ZNF185: variants seen among roughly 807,000 people sequenced by gnomAD.
ZNF185 encodes the protein zinc finger protein 185.
A neutral mutation model predicts 58.6 loss-of-function variants in ZNF185; 56 were observed. The observed-to-expected ratio is 0.95, with a 90% confidence interval of 0.77 to 1.19. ZNF185 has a LOEUF of 1.19. Ranked by LOEUF, ZNF185 falls within the 50% of genes most tolerant of loss-of-function variation. The pLI is 0.00. For missense variants in ZNF185, 627 were observed against 573.5 expected, an observed-to-expected ratio of 1.09 and a Z score of -0.95; for synonymous variants, 230 against 215.9, an observed-to-expected ratio of 1.07 and a Z score of -0.57.
exon 13 of ZNF185, chrX:152,931,762 C>T (rs1427908102): frequency 8.3e-7 from 1 of 1,206,088 alleles, no homozygotes; most frequent in African/African-American, 1.7e-5. Flanking sequence ...GGGCCCCCAA[C>T]ACAGATGCTG....
At chrX:152,905,621 G>A in the ZNF185 span, among the ~76,000 whole-genome samples, 9 of 110,484 alleles carry the variant, frequency 8.1e-5, 1 homozygote, top group Admixed American at 1.9e-4. Context: ...AAATGGACAG[G>A]AGCCTCGACA....
intron 15 of ZNF185, among the ~76,000 whole-genome samples, chrX:152,938,759 A>G (rs1183501127): frequency 9.1e-6 from 1 of 109,830 alleles, no homozygotes; most frequent in Non-Finnish European, 1.9e-5. Context: ...CCTAATTACA[A>G]CAAAACCCAA....
At chrX:152,965,161 T>TG (rs1186852511) in intron 18 of ZNF185, among the ~76,000 whole-genome samples, 1 of 111,940 alleles carries the variant, frequency 8.9e-6, no homozygotes, top group Non-Finnish European at 1.9e-5. Flanking sequence ...GGGGAGAAGA[T>TG]GGGGTCACCG....
intron 11 of ZNF185, among the ~76,000 whole-genome samples, chrX:152,923,199 G>A (rs906996667): frequency 8.0e-5 from 9 of 112,055 alleles, no homozygotes; most frequent in African/African-American, 2.9e-4. Flanking sequence ...GCATCCAGAA[G>A]GGGAGAGGGC....
At chrX:152,949,529 C>T (rs1252816351) in intron 16 of ZNF185, among the ~76,000 whole-genome samples, 1 of 112,058 alleles carries the variant, frequency 8.9e-6, no homozygotes, top group Non-Finnish European at 1.9e-5. Flanking sequence ...TATGTCATGG[C>T]ACCTGATGGG....
chrX:152,923,097 C>T (rs782189025), intron 11 of ZNF185, among the ~76,000 whole-genome samples: 1 of 112,438 alleles, frequency 8.9e-6, no homozygotes, highest in African/African-American at 3.2e-5. Flanking sequence ...CCTGCTGTTG[C>T]TGCTGTTTAA....
the ZNF185 span, among the ~76,000 whole-genome samples, chrX:152,908,128 G>A: frequency 8.9e-6 from 1 of 112,752 alleles, no homozygotes. Context: ...TCACAGCCAT[G>A]TGAGGCCACT....
chrX:152,968,293 G>A (rs958752848), intron 20 of ZNF185, among the ~76,000 whole-genome samples: 1 of 112,374 alleles, frequency 8.9e-6, no homozygotes, highest in Non-Finnish European at 1.9e-5. Context: ...ATGGAATGAG[G>A]CTTCCAATTC....
rs782242773 is a variant in ZNF185 at position 152,914,543 on chromosome X, G to C, written c.34+20G>C. ...CCAAAGGTGAGGCCTGGGCTCCCTGGTTTCCCAGGCTCTGTTTGGGGCTGT... is the reference window on the plus strand; with the variant it reads ...CCAAAGGTGAGGCCTGGGCTCCCTGCTTTCCCAGGCTCTGTTTGGGGCTGT... On this transcript the variant is annotated intron_variant, in intron 1 of 22. Transcript: ENST00000449285. 8.6e-7 allele frequency: 1 copy of C among 1,166,350 alleles called. No homozygotes were observed. The highest frequency in any genetic ancestry group is 1.1e-6 in the Non-Finnish European group (1 of 871,573).
At chrX:152,959,939 T>C in intron 17 of ZNF185, 43 bp downstream of exon 19, 1 of 1,164,073 alleles carries the variant, frequency 8.6e-7, no homozygotes, top group Non-Finnish European at 1.2e-6. Context: ...CTAGAGCCAG[T>C]GTTTTTGTCC....
chrX:152,941,719 G>C, intron 15 of ZNF185: 1 of 1,164,524 alleles, frequency 8.6e-7, no homozygotes, highest in Non-Finnish European at 1.1e-6. Context: ...ATGGCCGCCC[G>C]GGACGAGCTC....
At chrX:152,938,835 TGAG>T (rs1556885459) in intron 15 of ZNF185, among the ~76,000 whole-genome samples, 4 of 88,982 alleles carry the variant, frequency 4.5e-5, no homozygotes, top group African/African-American at 1.8e-4. Context: ...CAGCCGCAGC[TGAG>T]ATAGAGTGAT....
At chrX:152,937,851 G>C (rs1234454926) in intron 14 of ZNF185, among the ~76,000 whole-genome samples, 2 of 112,453 alleles carry the variant, frequency 1.8e-5, no homozygotes, top group Non-Finnish European at 3.8e-5. Flanking sequence ...GTCAGGGGCA[G>C]TGTTTGCTCT....
chrX:152,966,757 C>G, intron 19 of ZNF185, among the ~76,000 whole-genome samples: 1 of 111,796 alleles, frequency 8.9e-6, no homozygotes, highest in African/African-American at 3.3e-5. Flanking sequence ...AAACTCCAAA[C>G]CCGTCTGCAC....
At chrX:152,941,095 C>A (rs1218169512) in intron 15 of ZNF185, among the ~76,000 whole-genome samples, 1 of 112,241 alleles carries the variant, frequency 8.9e-6, no homozygotes, top group African/African-American at 3.2e-5. Context: ...ACAAAAACTT[C>A]CCGAAGTCCC....
chrX:152,969,288 G>C, intron 20 of ZNF185, 94 bp from the exon 23 acceptor site: 1 of 725,270 alleles, frequency 1.4e-6, no homozygotes, highest in Non-Finnish European at 2.1e-6. Flanking sequence ...CAGCAAACCT[G>C]GGCCTGGCTG....
At chrX:152,958,615 G>A (rs113271251) in intron 16 of ZNF185, among the ~76,000 whole-genome samples, 3 of 109,378 alleles carry the variant, frequency 2.7e-5, no homozygotes, top group African/African-American at 1.0e-4. Context: ...AATTAGCCAC[G>A]CGTGGCAGCG....
At chrX:152,920,798 G>A (rs1436223541) in intron 9 of ZNF185, 50 bp downstream of exon 10, 3 of 1,181,582 alleles carry the variant, frequency 2.5e-6, no homozygotes, top group African/African-American at 1.8e-5. Flanking sequence ...GCCACAGGAA[G>A]GCCTTCCGTC....
At position 152,937,375 on chromosome X, in the gene ZNF185, C is replaced by T. The variant is rs1036636199; in HGVS notation, c.1122-699C>T. Among the ~76,000 whole-genome samples, 10 of 111,945 alleles carry T rather than the reference C, an allele frequency of 8.9e-5. 1 individual carries two copies. The highest frequency in any genetic ancestry group is 1.5e-4 in the Non-Finnish European group (8 of 53,201). On this transcript the variant is annotated intron_variant, in intron 14 of 22. Coordinates refer to ENST00000449285, the Ensembl canonical transcript of ZNF185. Reference sequence around the variant, plus strand: ...TGGCTGCTTAGTCCGGTGGCCCCTACGCACAGCTGCGTGGCCAGCTCTCCC... The same window carrying T: ...TGGCTGCTTAGTCCGGTGGCCCCTATGCACAGCTGCGTGGCCAGCTCTCCC...
Sources: gnomAD v4.1 joint callset for allele counts (sites outside exome capture counted in the v4.1 genomes callset) on GRCh38, gnomAD v4.1.1 for gene constraint, MANE v1.5 for transcripts, NCBI Gene and HGNC (gene_info 2026-07-23, HGNC 2026-07-21) for gene names.